SALL4: variants seen among roughly 807,000 people sequenced by gnomAD.
SALL4 encodes spalt like transcription factor 4, also known as sal-like protein 4.
SALL4 carries 4 observed loss-of-function variants against 60.8 expected under a neutral mutation model. The ratio of observed to expected loss-of-function variants is 0.07; its 90% CI spans 0.03 to 0.15. The LOEUF is 0.15. SALL4 is among the 10% of genes least tolerant of loss of function. The pLI, the probability that SALL4 is intolerant of heterozygous loss-of-function variation, is 1.00. For synonymous variants in SALL4, 580 were observed against 574.9 expected, an observed-to-expected ratio of 1.01 and a Z score of -0.13; for missense variants, 1,178 against 1,394.7, an observed-to-expected ratio of 0.84 and a Z score of 2.48.
rs145735478 is a variant in SALL4, at chr20:51,791,278, C to A, written c.1205G>T (p.Arg402Leu). The A allele has an allele frequency of 6.2e-7, 1 of 1,613,930 alleles. No individual in the cohort carries two copies. Among genetic ancestry groups the A allele is most frequent in the Non-Finnish European group, 8.5e-7 (1 of 1,180,030 alleles). The change falls in exon 2 of 4, where the codon CGC becomes CTC. Residue 402 changes from arginine (R) to leucine (L), a missense_variant. Transcript: ENST00000217086. The surrounding 1 kb of genome is among the most constrained non-coding windows in gnomAD (Gnocchi z 4.6). ...GTDSSLQIHL[R>L]SHTGERPFVC... ...GAAGGGTCTCTCTCCAGTGTGGGAG[C>A]GGAGGTGGATCTGCAAGGAGCTATC... is the stretch of plus-strand genomic sequence containing the variant.
chr20:51,792,712 C>CAAAA lies in SALL4; in HGVS notation c.131-364_131-361dup, dbSNP rs1568866688. On this transcript the variant is annotated intron_variant, in intron 1 of 3. Transcript: ENST00000217086. ...TCAAAAAAAAAAAAAAAAAAAAAGG[C>CAAAA]AAAAAGGCTGATCCCTGAATTTCTT... 299 of 519,340 alleles carry CAAAA rather than the reference C, an allele frequency of 5.8e-4. 8 individuals are homozygous for CAAAA. The highest frequency in any genetic ancestry group is 3.4e-3 in the African/African-American group (110 of 32,558). 32.2% of individuals were successfully genotyped at this position (519,340 alleles called of 1,614,324 possible).
In SALL4 at chr20:51,801,215, C is replaced by T. The variant is rs1004681957; in HGVS notation, c.130+1064G>A. Among the ~76,000 whole-genome samples, 21 of 152,286 alleles carry T rather than the reference C, an allele frequency of 1.4e-4. No homozygotes were observed. Among genetic ancestry groups the T allele is most frequent in the African/African-American group, 4.8e-4 (20 of 41,576 alleles). ...GTGGAAAACCGCCTCGCTCCTAAAA[C>T]CTCCGCGGTGAAGTGATGAAGTGGG... On this transcript the variant is annotated intron_variant, in intron 1 of 3. Transcript: ENST00000217086. The surrounding 1 kb of genome is among the most constrained non-coding windows in gnomAD (Gnocchi z 5.2).
rs947253321 is a variant in SALL4, at chr20:51,790,322, T to C, written c.2161A>G (p.Thr721Ala). ...PLPSIHSASP[T>A]LGFAMMASLD... Reference sequence around the variant, plus strand: ...GAAGCCATCATGGCAAACCCTAGCGTGGGTGATGCCGAGTGGATGCTGGGA... The same window carrying C: ...GAAGCCATCATGGCAAACCCTAGCGCGGGTGATGCCGAGTGGATGCTGGGA... Residue 721 changes from threonine (T) to alanine (A), a missense_variant, in exon 2 of 4, where the codon ACG (threonine) becomes GCG (alanine). Transcript: ENST00000217086. This position sits in a 1 kb window ranked among gnomAD's most constrained non-coding sequence, Gnocchi z 5.5. 2 of 1,614,008 alleles carry C rather than the reference T, an allele frequency of 1.2e-6. No individual in the cohort carries two copies. Among genetic ancestry groups the C allele is most frequent in the Non-Finnish European group, 1.7e-6 (2 of 1,180,044 alleles).
At position 51,789,109 on chromosome 20, in the gene SALL4, C is replaced by T; in HGVS notation, c.2494G>A (p.Ala832Thr). 3.1e-6 allele frequency: 5 copies of T among 1,614,166 alleles called. No individual in the cohort carries two copies. The highest frequency in any genetic ancestry group is 4.2e-6 in the Non-Finnish European group (5 of 1,180,014). The change falls in exon 3 of 4, where the codon GCC becomes ACC. Residue 832 changes from alanine to threonine, a missense_variant. Transcript: ENST00000217086. The stretch of plus-strand genomic sequence containing the variant: ...TCAACCTTGACATAGGTCGGCGGGG[C>T]TCGGATAAACGTGGAAGGGAGACTG... ...RSSLPSTFIR[A>T]PPTYVKVEVP...
intron 1 of SALL4, chr20:51,797,424 A>G (rs1601176112): frequency 6.6e-6 from 1 of 152,108 alleles, no homozygotes; most frequent in Non-Finnish European, 1.5e-5. Context: ...CAGCCTGAAT[A>G]CCAGCTTGCC....
chr20:51,784,682 A>G lies in SALL4; in HGVS notation c.2745T>C (p.Val915=). 1 of 1,614,174 alleles carries G rather than the reference A, an allele frequency of 6.2e-7. No homozygotes were observed. The highest frequency in any genetic ancestry group is 8.5e-7 in the Non-Finnish European group (1 of 1,180,036). The change falls in exon 4 of 4, where the codon GTT becomes GTC. Residue 915 remains valine (V), a splice_region_variant and synonymous_variant. Coordinates refer to ENST00000217086, the MANE Select transcript of SALL4 (RefSeq NM_020436.5). ...TGTTCGCCCCGTGTGTCATGTAGTG[A>G]ACCTATGGGAACAGGACAGAAAGGT... ...RAFTTKGNLK[V]HYMTHGANNN... is the part of the protein sequence containing the mutation.
intron 3 of SALL4, among the ~76,000 whole-genome samples, chr20:51,787,372 C>T (rs2078000652): frequency 2.0e-5 from 3 of 152,082 alleles, no homozygotes; most frequent in South Asian, 4.1e-4. Flanking sequence ...TGCAATGAGC[C>T]GAGATTGCAC....
Position 51,790,466 on chromosome 20 carries a change from C to A in SALL4, c.2017G>T (p.Val673Leu). The A allele has an allele frequency of 1.9e-6, 3 of 1,614,120 alleles. No homozygotes were observed. The stretch of plus-strand genomic sequence containing the variant: ...GCGCCGGTGCTGCCGTTCTCACCCA[C>A]GGTCATTGGCTCAGAACCCGTAAAG... ...CDFTGSEPMT[V>L]GENGSTGAIC... The change falls in exon 2 of 4, where the codon GTG becomes TTG. Residue 673 changes from valine to leucine, a missense_variant. Val to Leu is a conservative substitution (Grantham distance 32). Around this residue, in one of 5 missense-constraint regions of SALL4, gnomAD observed 853 missense variants for 1,036.8 expected, o/e 0.82. Transcript: ENST00000217086. The surrounding 1 kb of genome is among the most constrained non-coding windows in gnomAD (Gnocchi z 5.5).
At chr20:51,787,802 C>T (rs527631231) in intron 3 of SALL4, among the ~76,000 whole-genome samples, 14 of 151,928 alleles carry the variant, frequency 9.2e-5, no homozygotes, top group South Asian at 4.2e-4. Context: ...CCACTGCGTC[C>T]GGCCCTTTTC....
intron 1 of SALL4, chr20:51,792,730 A>C: frequency 2.2e-6 from 2 of 925,598 alleles, no homozygotes; most frequent in African/African-American, 1.8e-5. Context: ...CTGATCCCTG[A>C]ATTTCTTTTG....
Position 51,784,101 on chromosome 20 carries a change from C to A in SALL4, c.*164G>T, listed in dbSNP as rs1485098721. On this transcript the variant is annotated 3_prime_UTR_variant, in exon 4 of 4. Transcript: ENST00000217086. ...TTTTGCAAAGCAGCATAGCAACAAT[C>A]GTGATTGTAGCACTTGCCTGAGGTT... 7 of 759,588 alleles carry A rather than the reference C, an allele frequency of 9.2e-6. No homozygotes were observed. The African/African-American group carries it at 1.1e-4, about 11-fold the overall frequency. 47.1% of individuals were successfully genotyped at this position (759,588 alleles called of 1,614,324 possible).
intron 3 of SALL4, among the ~76,000 whole-genome samples, chr20:51,787,134 A>C (rs1278590601): frequency 6.6e-6 from 1 of 151,074 alleles, no homozygotes; most frequent in Non-Finnish European, 1.5e-5. Flanking sequence ...AACAAAACAA[A>C]TTTTGGGGCA....
Position 51,790,901 on chromosome 20 carries a change from A to T in SALL4, c.1582T>A (p.Tyr528Asn). The T allele has an allele frequency of 6.2e-7, 1 of 1,614,098 alleles. No individual in the cohort carries two copies. Among genetic ancestry groups the T allele is most frequent in the East Asian group, 2.2e-5 (1 of 44,858 alleles). The change falls in exon 2 of 4, where the codon TAT becomes AAT. Residue 528 changes from tyrosine to asparagine, a missense_variant. Tyr to Asn is a moderately radical substitution (Grantham distance 143). This residue lies in a region of SALL4 where 853 missense variants were observed against 1,036.8 expected (regional missense o/e 0.82). Transcript: ENST00000217086. The surrounding 1 kb of genome is among the most constrained non-coding windows in gnomAD (Gnocchi z 5.5). ...AAGCCACCAGCCCTTGGGGAATTAT[A>T]GTTTGGTCCCACCCCAGGGAGTGTG... Reference protein sequence around the residue: ...GPTLPGVGPNYNSPRAGGFQG... With the variant: ...GPTLPGVGPNNNSPRAGGFQG...
chr20:51,797,847 G>GA (rs1375161971), intron 1 of SALL4, among the ~76,000 whole-genome samples: 4 of 152,132 alleles, frequency 2.6e-5, no homozygotes, highest in Non-Finnish European at 5.9e-5. Context: ...TGTATAGGAA[G>GA]AAAGTTCATC....
At chr20:51,797,894 G>A (rs1342837575) in intron 1 of SALL4, among the ~76,000 whole-genome samples, 1 of 152,092 alleles carries the variant, frequency 6.6e-6, no homozygotes, top group East Asian at 1.9e-4. Context: ...ACACTGAAAT[G>A]CTTAAAAAGT....
At position 51,801,866 on chromosome 20, in the gene SALL4, C is replaced by T. The variant is rs1478772342; in HGVS notation, c.130+413G>A. Among the ~76,000 whole-genome samples, 1 of 151,026 alleles carries T rather than the reference C, an allele frequency of 6.6e-6. No homozygotes were observed. Among genetic ancestry groups the T allele is most frequent in the African/African-American group, 2.4e-5 (1 of 41,056 alleles). On this transcript the variant is annotated intron_variant, in intron 1 of 3. Coordinates refer to ENST00000217086, the MANE Select transcript of SALL4 (RefSeq NM_020436.5). The surrounding 1 kb of genome is among the most constrained non-coding windows in gnomAD (Gnocchi z 5.2). ...GGGGCTGGTGGAGAGGGTGGGGATC[C>T]CCCGGGGTTCTTTCTTTTGAGAGCG...
intron 1 of SALL4, among the ~76,000 whole-genome samples, chr20:51,800,786 C>A (rs1375208453): frequency 6.6e-6 from 1 of 151,774 alleles, no homozygotes; most frequent in Non-Finnish European, 1.5e-5. Flanking sequence ...CCTGGGACCT[C>A]GGGTGCGCGC....
chr20:51,788,110 C>G lies in SALL4; in HGVS notation c.2742+751G>C, dbSNP rs1601166004. On this transcript the variant is annotated intron_variant, in intron 3 of 3. Coordinates refer to ENST00000217086, the MANE Select transcript of SALL4 (RefSeq NM_020436.5). This position sits in a 1 kb window ranked among gnomAD's most constrained non-coding sequence, Gnocchi z 4.1. ...AAGTACTCAGATTATGGGTGCTGAGCCACTGCACCCAGGTAGTATTTCTAA... is the reference window on the plus strand; with the variant it reads ...AAGTACTCAGATTATGGGTGCTGAGGCACTGCACCCAGGTAGTATTTCTAA... Among the ~76,000 whole-genome samples the G allele has an allele frequency of 6.6e-6, 1 of 151,876 alleles. No individual in the cohort carries two copies. The highest frequency in any genetic ancestry group is 1.5e-5 in the Non-Finnish European group (1 of 67,982).
Position 51,790,073 on chromosome 20 carries a change from C to T in SALL4, c.2410G>A (p.Asp804Asn), listed in dbSNP as rs147768774. The change falls in exon 2 of 4, where the codon GAT (aspartate) becomes AAT (asparagine). Residue 804 changes from aspartate (D) to asparagine (N), a missense_variant. Around this residue, in one of 5 missense-constraint regions of SALL4, gnomAD observed 853 missense variants for 1,036.8 expected, o/e 0.82. Transcript: ENST00000217086. The surrounding 1 kb of genome is among the most constrained non-coding windows in gnomAD (Gnocchi z 5.5). ...QAESIKSKSP[D>N]AGSKAESSEN... ...GAGCTCTCTGCTTTGCTCCCAGCATCGGGAGACTTTGACTTGATGCTTTCG... is the reference window on the plus strand; with the variant it reads ...GAGCTCTCTGCTTTGCTCCCAGCATTGGGAGACTTTGACTTGATGCTTTCG... 2.8e-4 allele frequency: 457 copies of T among 1,614,056 alleles called. No homozygotes were observed. Among genetic ancestry groups the T allele is most frequent in the Non-Finnish European group, 3.8e-4 (444 of 1,180,050 alleles).
Sources: allele counts gnomAD v4.1 joint callset (sites outside exome capture counted in the v4.1 genomes callset), GRCh38; gene constraint gnomAD v4.1.1; regional missense constraint gnomAD v4.1.1; non-coding constraint Gnocchi (gnomAD v3.1); transcripts MANE v1.5; gene names NCBI Gene and HGNC (gene_info 2026-07-23, HGNC 2026-07-21).